Variants in LRIG1 observed in about 807,000 individuals in gnomAD.
LRIG1 encodes the protein leucine-rich repeats and immunoglobulin-like domains protein 1.
LRIG1 carries 48 observed loss-of-function variants against 99.2 expected under a neutral mutation model. The observed-to-expected ratio is 0.48, with a 90% CI of 0.38 to 0.62. The LOEUF (loss-of-function observed/expected upper bound fraction) is 0.62. Among genes scored for constraint, LRIG1 ranks in the 20% least tolerant of loss-of-function variants. The pLI is 0.00. For synonymous variants in LRIG1, 772 were observed against 596.1 expected (o/e 1.29, Z -4.30); for missense variants, 1,646 against 1,434.4 (o/e 1.15, Z -2.38).
rs11437217 is a variant in LRIG1 at position 66,459,014 on chromosome 3, CA to C, written c.290+3423del. On this transcript the variant is annotated intron_variant, in intron 2 of 18. Transcript: ENST00000273261. ...GGGAGATAAGAGCGAAACTCCATCTCAAAAAAAAAAAAAAAAGATAATGTTT... is the reference window on the plus strand; with the variant it reads ...GGGAGATAAGAGCGAAACTCCATCTCAAAAAAAAAAAAAAAGATAATGTTT... Among the ~76,000 whole-genome samples the C allele has an allele frequency of 6.3e-3, 773 of 121,876 alleles. 12 individuals carry two copies. The highest frequency in any genetic ancestry group is 0.019 in the African/African-American group (520 of 27,234). The allele number at this position is 121,876 out of a possible 152,430, so 80.0% of individuals were successfully genotyped here.
intron 1 of LRIG1, among the ~76,000 whole-genome samples, chr3:66,478,719 G>A (rs1030797555): frequency 4.6e-5 from 7 of 152,060 alleles, no homozygotes; most frequent in Non-Finnish European, 8.8e-5. Context: ...ATCTCCAAGG[G>A]TCTCCACTGT....
chr3:66,410,165 C>T lies in LRIG1; in HGVS notation c.899G>A (p.Arg300His), dbSNP rs1219290074. 9 of 1,613,940 alleles carry T rather than the reference C, an allele frequency of 5.6e-6. No homozygotes were observed. Among genetic ancestry groups the T allele is most frequent in the East Asian group, 2.2e-5 (1 of 44,878 alleles). ...CTTCTGGCAGAAGCTCCAGCCCTTG[C>T]GGTGAATGCGAGCGATGGAATTGTT... is the stretch of plus-strand genomic sequence containing the variant. ...LSNNSIARIH[R>H]KGWSFCQKLH... Residue 300 changes from arginine (R) to histidine (H), a missense_variant, in exon 7 of 19, where the codon CGC becomes CAC. Arg to His is a conservative substitution (Grantham distance 29, BLOSUM62 0). Transcript: ENST00000273261.
chr3:66,453,920 T>C lies in LRIG1; in HGVS notation c.291-2287A>G, dbSNP rs1237673999. ...CTGTGACAAACTGCTCCACCCAATT[T>C]CACAGAAATAAATGAACAAGGGAAG... On this transcript the variant is annotated intron_variant, in intron 2 of 18. Transcript: ENST00000273261. Among the ~76,000 whole-genome samples the C allele has an allele frequency of 5.3e-5, 8 of 152,270 alleles. No individual in the cohort carries two copies. The East Asian group carries it at 5.8e-4, about 11-fold the overall frequency.
chr3:66,471,558 C>A (rs1700596151), intron 1 of LRIG1, among the ~76,000 whole-genome samples: 1 of 152,212 alleles, frequency 6.6e-6, no homozygotes, highest in Admixed American at 6.5e-5. Context: ...AAGGCTCATC[C>A]ATCCCAACCA....
intron 9 of LRIG1, among the ~76,000 whole-genome samples, chr3:66,402,379 C>A (rs1702091860): frequency 6.6e-6 from 1 of 151,566 alleles, no homozygotes; most frequent in Admixed American, 6.6e-5. Flanking sequence ...GGAACATTCC[C>A]ACCCTGCTGG....
intron 12 of LRIG1, chr3:66,388,132 AGGAT>A (rs1363777360): frequency 3.7e-5 from 5 of 135,586 alleles, no homozygotes; most frequent in African/African-American, 7.9e-5. Context: ...AAAAAAAAAA[AGGAT>A]AAAGTATGAG....
At chr3:66,395,893 G>A (rs978120882) in intron 11 of LRIG1, among the ~76,000 whole-genome samples, 1 of 152,264 alleles carries the variant, frequency 6.6e-6, no homozygotes, top group Non-Finnish European at 1.5e-5. Flanking sequence ...CGTGCAGTCA[G>A]GCAGAACAGC....
chr3:66,435,143 T>C (rs1196987509), intron 3 of LRIG1, among the ~76,000 whole-genome samples: 3 of 152,232 alleles, frequency 2.0e-5, no homozygotes, highest in African/African-American at 7.2e-5. Flanking sequence ...ATAACCTAGA[T>C]GAACCTCCAG....
intron 12 of LRIG1, among the ~76,000 whole-genome samples, chr3:66,388,318 T>C (rs536209025): frequency 6.6e-6 from 1 of 151,280 alleles, no homozygotes; most frequent in East Asian, 1.9e-4. Flanking sequence ...TTATGTAGTC[T>C]GAGAAACAAA....
chr3:66,407,849 A>G (rs1702330545), intron 7 of LRIG1, among the ~76,000 whole-genome samples: 1 of 152,184 alleles, frequency 6.6e-6, no homozygotes, highest in African/African-American at 2.4e-5. Context: ...TCAGGCTACA[A>G]AAGACCTCTC....
intron 1 of LRIG1, among the ~76,000 whole-genome samples, chr3:66,481,352 C>G (rs1468694490): frequency 6.6e-6 from 1 of 152,186 alleles, no homozygotes; most frequent in East Asian, 1.9e-4. Context: ...TTGGCAAGTG[C>G]CCCTTGGCCT....
At chr3:66,477,638 G>A (rs1700751880) in intron 1 of LRIG1, among the ~76,000 whole-genome samples, 1 of 152,116 alleles carries the variant, frequency 6.6e-6, no homozygotes, top group Admixed American at 6.5e-5. Context: ...TCCTCAAAAA[G>A]GAGGGCCCAA....
chr3:66,446,761 T>C (rs1006041795), intron 3 of LRIG1, among the ~76,000 whole-genome samples: 15 of 152,062 alleles, frequency 9.9e-5, no homozygotes, highest in Admixed American at 2.0e-4. Context: ...CAGCAAAATA[T>C]AGTTAAAGCC....
intron 3 of LRIG1, among the ~76,000 whole-genome samples, chr3:66,437,494 T>A (rs1703399238): frequency 6.6e-6 from 1 of 152,036 alleles, no homozygotes; most frequent in Admixed American, 6.5e-5. Context: ...GCAAGACTTA[T>A]CCCCTGGCTG....
intron 7 of LRIG1, among the ~76,000 whole-genome samples, chr3:66,409,542 C>T (rs531680168): frequency 1.3e-5 from 2 of 152,216 alleles, no homozygotes; most frequent in Non-Finnish European, 2.9e-5. Flanking sequence ...GAACTAAGCA[C>T]GCACACGACT....
intron 17 of LRIG1, 38 bp from the exon 18 acceptor site, chr3:66,380,899 T>G: frequency 6.2e-7 from 1 of 1,600,136 alleles, no homozygotes. Flanking sequence ...GAGTCACTGC[T>G]GTGGGAGTCT....
Position 66,500,672 on chromosome 3 carries a change from C to G in LRIG1, c.-265G>C, listed in dbSNP as rs2106952213. ...CGCCCGCGCTAGCTGCGAACTCCGC[C>G]GATTCGGGCAAGGTGTACCCAGCCT... On this transcript the variant is annotated 5_prime_UTR_variant, in exon 1 of 19. Coordinates refer to ENST00000273261, the MANE Select transcript of LRIG1 (RefSeq NM_015541.3). 3.7e-6 allele frequency: 1 copy of G among 273,350 alleles called. No homozygotes were observed. Among genetic ancestry groups the G allele is most frequent in the South Asian group, 1.7e-4 (1 of 5,996 alleles). The allele number at this position is 273,350 out of a possible 1,614,324, so 16.9% of individuals were successfully genotyped here.
intron 1 of LRIG1, among the ~76,000 whole-genome samples, chr3:66,478,031 C>T (rs922245090): frequency 3.9e-5 from 6 of 152,112 alleles, no homozygotes; most frequent in African/African-American, 1.2e-4. Context: ...GCTTCAAGGC[C>T]GCATCAACAT....
intron 3 of LRIG1, among the ~76,000 whole-genome samples, chr3:66,420,132 A>G (rs1356858101): frequency 6.6e-6 from 1 of 152,248 alleles, no homozygotes; most frequent in Non-Finnish European, 1.5e-5. Flanking sequence ...TTTTAAAATG[A>G]GCCAAGAATT....
Sources: allele counts gnomAD v4.1 joint callset (sites outside exome capture counted in the v4.1 genomes callset), GRCh38; gene constraint gnomAD v4.1.1; transcripts MANE v1.5; gene names NCBI Gene and HGNC (gene_info 2026-07-23, HGNC 2026-07-21).